Variants in PCDH9 observed in about 807,000 individuals in gnomAD.
The protein encoded by PCDH9 is protocadherin 9, also known as protocadherin-9.
A neutral mutation model predicts 70.6 loss-of-function variants in PCDH9; 24 were observed. The observed-to-expected ratio is 0.34, with a 90% confidence interval of 0.25 to 0.48. The LOEUF is 0.48. Ranked by LOEUF, PCDH9 falls within the 20% of genes least tolerant of loss-of-function variation. The probability of loss-of-function intolerance (pLI) is 0.99; values close to 1 mark genes in which losing one functional copy is unlikely to be tolerated. For missense variants in PCDH9, 1,281 were observed against 1,503.6 expected, an observed-to-expected ratio of 0.85 and a Z score of 2.45; for synonymous variants, 562 against 558.5, an observed-to-expected ratio of 1.01 and a Z score of -0.09.
intron 2 of PCDH9, among the ~76,000 whole-genome samples, chr13:67,068,899 T>C (rs993542596): frequency 1.2e-4 from 18 of 152,182 alleles, no homozygotes; most frequent in Non-Finnish European, 2.2e-4. Context: ...TGTTACTTTC[T>C]TGTCATCCAA....
rs115977268 is a variant in PCDH9 at position 66,362,545 on chromosome 13, G to A, written c.3341-57517C>T. Among the ~76,000 whole-genome samples, 463 of 152,160 alleles carry A rather than the reference G, an allele frequency of 3.0e-3. 4 individuals carry two copies. The highest frequency in any genetic ancestry group is 0.011 in the African/African-American group (442 of 41,522). ...TCTATTCATTGTGAAAAGCCTCTAC[G>A]CATGAAAATGTACTACTGGACATAT... is the stretch of plus-strand genomic sequence containing the variant. On this transcript the variant is annotated intron_variant, in intron 4 of 4. Transcript: ENST00000377865.
At chr13:66,652,638 TA>T (rs2077869624) in intron 3 of PCDH9, among the ~76,000 whole-genome samples, 2 of 151,578 alleles carry the variant, frequency 1.3e-5, no homozygotes, top group Admixed American at 1.3e-4. Flanking sequence ...TAAAAAGTCC[TA>T]AAATGTATAT....
At chr13:67,141,979 T>TTTGAAA (rs2087403771) in intron 2 of PCDH9, among the ~76,000 whole-genome samples, 1 of 151,914 alleles carries the variant, frequency 6.6e-6, no homozygotes, top group South Asian at 2.1e-4. Context: ...GAATTTGAAA[T>TTTGAAA]TTTATATAAA....
At chr13:66,647,105 A>C (rs144722264) in intron 3 of PCDH9, among the ~76,000 whole-genome samples, 44 of 152,212 alleles carry the variant, frequency 2.9e-4, no homozygotes, top group African/African-American at 1.1e-3. Flanking sequence ...TAAACTTGAA[A>C]GGCAGTCTAG....
At chr13:66,866,564 G>A (rs1432660913) in intron 3 of PCDH9, among the ~76,000 whole-genome samples, 3 of 152,044 alleles carry the variant, frequency 2.0e-5, no homozygotes, top group Non-Finnish European at 2.9e-5. Context: ...TTGGGAGGCT[G>A]AGGTAGGCGG....
chr13:66,572,911 C>T (rs1030175269), intron 4 of PCDH9, among the ~76,000 whole-genome samples: 1 of 152,096 alleles, frequency 6.6e-6, no homozygotes, highest in Non-Finnish European at 1.5e-5. Context: ...AGACATGTGC[C>T]ACTGCGCCTG....
chr13:66,618,769 A>G (rs1446968650), intron 4 of PCDH9, among the ~76,000 whole-genome samples: 1 of 152,208 alleles, frequency 6.6e-6, no homozygotes, highest in African/African-American at 2.4e-5. Context: ...TTTCCCCCAT[A>G]GGGAAGATTA....
intron 3 of PCDH9, among the ~76,000 whole-genome samples, chr13:66,861,568 G>T (rs895691039): frequency 7.9e-5 from 12 of 152,078 alleles, no homozygotes; most frequent in African/African-American, 2.4e-4. Flanking sequence ...AGGGGGAAAA[G>T]GTTGTACTTA....
intron 2 of PCDH9, among the ~76,000 whole-genome samples, chr13:67,149,173 A>C (rs2087597879): frequency 6.6e-6 from 1 of 152,200 alleles, no homozygotes; most frequent in Non-Finnish European, 1.5e-5. Context: ...TTACATTTAA[A>C]AAATGATAAG....
At chr13:67,187,236 G>A (rs1204320612) in intron 2 of PCDH9, among the ~76,000 whole-genome samples, 1 of 152,146 alleles carries the variant, frequency 6.6e-6, no homozygotes, top group African/African-American at 2.4e-5. Context: ...GTTGCAGGAT[G>A]CCTCTCTGAT....
In PCDH9 at chr13:67,128,697, C is replaced by T. The variant is rs540824432; in HGVS notation, c.3036+96708G>A. 7.1e-4 allele frequency among the ~76,000 whole-genome samples: 108 copies of T among 152,160 alleles called. 2 individuals are homozygous for T. The highest frequency in any genetic ancestry group is 1.4e-3 in the Admixed American group (22 of 15,272). Reference sequence around the variant, plus strand: ...AAGGTAGGAAGTAGAGCCTCTGTTACCACTGAGGCTTTTGTGGATAAACGA... The same window carrying T: ...AAGGTAGGAAGTAGAGCCTCTGTTATCACTGAGGCTTTTGTGGATAAACGA... On this transcript the variant is annotated intron_variant, in intron 2 of 4. Coordinates refer to ENST00000377865, the MANE Select transcript of PCDH9 (RefSeq NM_203487.3).
intron 4 of PCDH9, among the ~76,000 whole-genome samples, chr13:66,312,439 C>T (rs1955578162): frequency 2.0e-5 from 3 of 151,928 alleles, no homozygotes; most frequent in Admixed American, 2.0e-4. Flanking sequence ...GGTGAAACAC[C>T]GGCTCTACAA....
At chr13:66,371,867 C>T (rs947107593) in intron 4 of PCDH9, among the ~76,000 whole-genome samples, 3 of 152,018 alleles carry the variant, frequency 2.0e-5, no homozygotes, top group African/African-American at 7.2e-5. Context: ...TTGTTTCCCT[C>T]ATGATCTCTT....
chr13:66,782,298 C>G (rs1435978834), intron 3 of PCDH9, among the ~76,000 whole-genome samples: 1 of 151,978 alleles, frequency 6.6e-6, no homozygotes, highest in Non-Finnish European at 1.5e-5. Flanking sequence ...GTTTATTAAC[C>G]ATAATTTTTT....
rs369538921 is a variant in PCDH9, at chr13:66,872,128, A to G, written c.3138+31376T>C. On this transcript the variant is annotated intron_variant, in intron 3 of 4. Transcript: ENST00000377865. ...ATAAAGGACATATGACTAAATTATGAAAGTATATGCCAAATCTGAGGACAG... is the reference window on the plus strand; with the variant it reads ...ATAAAGGACATATGACTAAATTATGGAAGTATATGCCAAATCTGAGGACAG... Among the ~76,000 whole-genome samples, 26 of 152,296 alleles carry G rather than the reference A, an allele frequency of 1.7e-4. 1 individual carries two copies. The highest frequency in any genetic ancestry group is 6.0e-4 in the African/African-American group (25 of 41,576).
At chr13:66,721,124 T>G (rs1008378909) in intron 3 of PCDH9, among the ~76,000 whole-genome samples, 18 of 152,198 alleles carry the variant, frequency 1.2e-4, no homozygotes, top group African/African-American at 4.1e-4. Flanking sequence ...TCAAGTGCTT[T>G]TAATGAAGTA....
intron 2 of PCDH9, among the ~76,000 whole-genome samples, chr13:67,069,501 T>C (rs2085716590): frequency 6.6e-6 from 1 of 152,098 alleles, no homozygotes; most frequent in African/African-American, 2.4e-5. Flanking sequence ...AAGAAAACCT[T>C]TACATCGAAA....
intron 3 of PCDH9, among the ~76,000 whole-genome samples, chr13:66,851,256 G>A (rs1229944736): frequency 6.6e-6 from 1 of 152,044 alleles, no homozygotes; most frequent in Non-Finnish European, 1.5e-5. Context: ...TCCTCTGACT[G>A]AATTGCAAAA....
intron 3 of PCDH9, among the ~76,000 whole-genome samples, chr13:66,687,806 C>T (rs1006186014): frequency 2.0e-5 from 3 of 152,118 alleles, no homozygotes; most frequent in Admixed American, 2.0e-4. Flanking sequence ...TCAACTGCTC[C>T]CCTTTTGTAA....
Sources: gnomAD v4.1 joint callset for allele counts (sites outside exome capture counted in the v4.1 genomes callset) on GRCh38, gnomAD v4.1.1 for gene constraint, MANE v1.5 for transcripts, NCBI Gene and HGNC (gene_info 2026-07-23, HGNC 2026-07-21) for gene names.